TAGAP: variants seen among roughly 807,000 people sequenced by gnomAD.
TAGAP encodes T-cell activation Rho GTPase-activating protein.
TAGAP carries 16 observed loss-of-function variants against 36.0 expected under a neutral mutation model. That is an observed-to-expected ratio of 0.44 (90% CI 0.30 to 0.68). The LOEUF (loss-of-function observed/expected upper bound fraction) is 0.68. TAGAP is among the 30% of genes least tolerant of loss of function. The pLI, the probability that TAGAP is intolerant of heterozygous loss-of-function variation, is 0.09. For missense variants in TAGAP, 794 were observed against 921.5 expected, an observed-to-expected ratio of 0.86 and a Z score of 1.79; for synonymous variants, 372 against 377.4, an observed-to-expected ratio of 0.99 and a Z score of 0.17.
At position 159,041,453 on chromosome 6, in the gene TAGAP, G is replaced by A; in HGVS notation, c.378C>T (p.Ala126=). The A allele has an allele frequency of 6.2e-7, 1 of 1,614,154 alleles. No homozygotes were observed. The highest frequency in any genetic ancestry group is 8.5e-7 in the Non-Finnish European group (1 of 1,180,016). Residue 126 remains alanine, a synonymous_variant, in exon 6 of 10, where the codon GCC becomes GCT. Transcript: ENST00000367066. This position sits in a 1 kb window ranked among gnomAD's most constrained non-coding sequence, Gnocchi z 4.1. ...PSTEGIFRRA[A]NEKARKELKE... Reference sequence around the variant, plus strand: ...TCAGCTCCTTACGGGCTTTCTCGTTGGCTGCTCTCCTGAATATCCCTTCCG... The same window carrying A: ...TCAGCTCCTTACGGGCTTTCTCGTTAGCTGCTCTCCTGAATATCCCTTCCG...
chr6:159,041,442 G>C lies in TAGAP; in HGVS notation c.389C>G (p.Ala130Gly). 1 of 1,614,164 alleles carries C rather than the reference G, an allele frequency of 6.2e-7. No individual in the cohort carries two copies. Among genetic ancestry groups the C allele is most frequent in the Non-Finnish European group, 8.5e-7 (1 of 1,180,020 alleles). ...GAGCTCCTCCTTCAGCTCCTTACGG[G>C]CTTTCTCGTTGGCTGCTCTCCTGAA... is the stretch of plus-strand genomic sequence containing the variant. The part of the protein sequence containing the change: ...GIFRRAANEK[A>G]RKELKEELNS... Residue 130 changes from alanine to glycine, a missense_variant, in exon 6 of 10, where the codon GCC becomes GGC. Ala to Gly is a moderately conservative substitution (Grantham distance 60). Transcript: ENST00000367066. This position sits in a 1 kb window ranked among gnomAD's most constrained non-coding sequence, Gnocchi z 4.1.
At chr6:159,042,313 G>C (rs1779784495) in intron 4 of TAGAP, 69 bp from the exon 5 acceptor site, 2 of 1,548,550 alleles carry the variant, frequency 1.3e-6, no homozygotes, top group East Asian at 2.3e-5. Context: ...ATCCAGGTAA[G>C]AAAATGGGTA....
chr6:159,036,794 C>G lies in TAGAP; in HGVS notation c.1229G>C (p.Gly410Ala), dbSNP rs144047559. 5,853 of 1,614,232 alleles carry G rather than the reference C, an allele frequency of 3.6e-3. 29 individuals carry two copies. The highest frequency in any genetic ancestry group is 0.013 in the South Asian group (1,157 of 91,088). The change falls in exon 10 of 10, where the codon GGC becomes GCC. Residue 410 changes from glycine (G) to alanine (A), a missense_variant. Physicochemically the swap from Gly to Ala is moderately conservative, Grantham distance 60 (BLOSUM62 0). Coordinates refer to ENST00000367066, the MANE Select transcript of TAGAP (RefSeq NM_054114.5). This position sits in a 1 kb window ranked among gnomAD's most constrained non-coding sequence, Gnocchi z 4.9. ...AGCCTCCTCACTTTCCAAACGAGAGCCTACCCGGGGCACGGGGAAGTCCCC... is the reference window on the plus strand; with the variant it reads ...AGCCTCCTCACTTTCCAAACGAGAGGCTACCCGGGGCACGGGGAAGTCCCC... ...SEGDFPVPRV[G>A]SRLESEEAED... is the part of the protein sequence containing the mutation.
At position 159,037,899 on chromosome 6, in the gene TAGAP, G is replaced by A. The variant is rs191264607; in HGVS notation, c.898+215C>T. 3.8e-4 allele frequency among the ~76,000 whole-genome samples: 58 copies of A among 152,312 alleles called. No individual in the cohort carries two copies. In the East Asian group the frequency reaches 8.3e-3, roughly 22 times the overall value. ...AGTGATTTGCGATGTACACTGGGAA[G>A]GGGGAAAGACTATCTGTGGTCTGAG... On this transcript the variant is annotated intron_variant, in intron 9 of 9. Coordinates refer to ENST00000367066, the MANE Select transcript of TAGAP (RefSeq NM_054114.5). The surrounding 1 kb of genome is among the most constrained non-coding windows in gnomAD (Gnocchi z 5.1).
chr6:159,039,283 T>C lies in TAGAP; in HGVS notation c.614A>G (p.Asn205Ser), dbSNP rs765146154. 3 of 1,613,168 alleles carry C rather than the reference T, an allele frequency of 1.9e-6. No homozygotes were observed. Among genetic ancestry groups the C allele is most frequent in the Non-Finnish European group, 1.7e-6 (2 of 1,179,856 alleles). Residue 205 changes from asparagine (N) to serine (S), a missense_variant, in exon 8 of 10, where the codon AAC (asparagine) becomes AGC (serine). Transcript: ENST00000367066. ...KQVADKLPRP[N>S]LLLLKHLVYV... ...GACCAAGTGCTTGAGTAGCAGGAGG[T>C]TGGGCCGGGGGAGCTTATCTGCAAC...
chr6:159,044,272 G>C, intron 1 of TAGAP, 68 bp from the exon 2 acceptor site: 1 of 926,442 alleles, frequency 1.1e-6, no homozygotes, highest in South Asian at 1.8e-5. Flanking sequence ...GCGCCACTTT[G>C]CCAAAGCACA....
Position 159,042,262 on chromosome 6 carries a change from A to C in TAGAP, c.149-18T>G. On this transcript the variant is annotated intron_variant, in intron 4 of 9. Transcript: ENST00000367066. Reference sequence around the variant, plus strand: ...CTTAACTTCTACAGCCAAGAAAACAAGGCAACGAGAAAAATTAGACTACAG... The same window carrying C: ...CTTAACTTCTACAGCCAAGAAAACACGGCAACGAGAAAAATTAGACTACAG... 1 of 1,599,952 alleles carries C rather than the reference A, an allele frequency of 6.3e-7. No individual in the cohort carries two copies. The highest frequency in any genetic ancestry group is 8.5e-7 in the Non-Finnish European group (1 of 1,174,972).
chr6:159,035,860 G>A lies in TAGAP; in HGVS notation c.2163C>T (p.Asp721=). 6.2e-7 allele frequency: 1 copy of A among 1,606,376 alleles called. No individual in the cohort carries two copies. Among genetic ancestry groups the A allele is most frequent in the Non-Finnish European group, 8.5e-7 (1 of 1,173,626 alleles). Residue 721 remains aspartate (D), a synonymous_variant, in exon 10 of 10, where the codon GAC becomes GAT. Coordinates refer to ENST00000367066, the MANE Select transcript of TAGAP (RefSeq NM_054114.5). The part of the protein sequence containing the change: ...RRCSQPVFEA[D]QFQYAKESYI ...ACGATTCTTTGGCATATTGGAATTG[G>A]TCAGCCTCAAAGACCGGCTGGCTAC... is the stretch of plus-strand genomic sequence containing the variant.
In TAGAP at chr6:159,036,481, G is replaced by A. The variant is rs764621010; in HGVS notation, c.1542C>T (p.Ala514=). Residue 514 remains alanine (A), a synonymous_variant, in exon 10 of 10, where the codon GCC becomes GCT. Transcript: ENST00000367066. The surrounding 1 kb of genome is among the most constrained non-coding windows in gnomAD (Gnocchi z 4.9). ...IKKHSMSFTF[A]PHKKVLTKNL... is the part of the protein sequence containing the mutation. ...TTTTGGTCAGCACTTTTTTGTGAGG[G>A]GCAAAGGTGAAAGACATGGAGTGCT... 1 of 1,614,112 alleles carries A rather than the reference G, an allele frequency of 6.2e-7. No homozygotes were observed. Among genetic ancestry groups the A allele is most frequent in the Non-Finnish European group, 8.5e-7 (1 of 1,180,010 alleles).
rs1779722074 is a variant in TAGAP, at chr6:159,040,852, T to C, written c.478-20A>G. ...GAAGTCCTGGGGGATGAGAGTGGGCTGTTGGCCTATTGGTACTGTATGATG... is the reference window on the plus strand; with the variant it reads ...GAAGTCCTGGGGGATGAGAGTGGGCCGTTGGCCTATTGGTACTGTATGATG... On this transcript the variant is annotated intron_variant, in intron 6 of 9. Coordinates refer to ENST00000367066, the MANE Select transcript of TAGAP (RefSeq NM_054114.5). The C allele has an allele frequency of 6.3e-7, 1 of 1,589,562 alleles. No homozygotes were observed. The highest frequency in any genetic ancestry group is 1.1e-5 in the South Asian group (1 of 90,526).
At chr6:159,044,233 G>A in intron 1 of TAGAP, 29 bp from the exon 2 acceptor site, 1 of 1,489,364 alleles carries the variant, frequency 6.7e-7, no homozygotes, top group Non-Finnish European at 9.1e-7. Context: ...AAAGGAGTTA[G>A]GAGGGACTCA....
intron 8 of TAGAP, 58 bp from the exon 9 acceptor site, chr6:159,038,286 T>TTG: frequency 1.1e-6 from 1 of 937,382 alleles, no homozygotes; most frequent in African/African-American, 1.8e-5. Flanking sequence ...TTTTTTTTTT[T>TTG]TTGGAGGTGA....
At chr6:159,038,415 G>C (rs1779628273) in intron 8 of TAGAP, among the ~76,000 whole-genome samples, 187 bp from the exon 9 acceptor site, 1 of 149,602 alleles carries the variant, frequency 6.7e-6, no homozygotes. Flanking sequence ...TTTGAGACAG[G>C]CTTTCACTCT....
chr6:159,044,164 G>A lies in TAGAP; in HGVS notation c.-18C>T. Reference sequence around the variant, plus strand: ...AGCTTCATCAGTATTGCGGCTGACTGTCCAGGGGTGGATTTCACTCCCGTG... The same window carrying A: ...AGCTTCATCAGTATTGCGGCTGACTATCCAGGGGTGGATTTCACTCCCGTG... On this transcript the variant is annotated 5_prime_UTR_variant, in exon 2 of 10. Coordinates refer to ENST00000367066, the MANE Select transcript of TAGAP (RefSeq NM_054114.5). 1 of 1,610,974 alleles carries A rather than the reference G, an allele frequency of 6.2e-7. No individual in the cohort carries two copies. The highest frequency in any genetic ancestry group is 8.5e-7 in the Non-Finnish European group (1 of 1,179,358).
At position 159,036,129 on chromosome 6, in the gene TAGAP, A is replaced by C. The variant is rs139559821; in HGVS notation, c.1894T>G (p.Cys632Gly). Residue 632 changes from cysteine to glycine, a missense_variant, in exon 10 of 10, where the codon TGC becomes GGC. Cys to Gly is a radical substitution (Grantham distance 159). Coordinates refer to ENST00000367066, the MANE Select transcript of TAGAP (RefSeq NM_054114.5). The surrounding 1 kb of genome is among the most constrained non-coding windows in gnomAD (Gnocchi z 4.9). Reference sequence around the variant, plus strand: ...GCAGGTGGAAGAGGGGGTAGGAGGCAGTGCGCCTCCAGCATCCTCGCCCTC... The same window carrying C: ...GCAGGTGGAAGAGGGGGTAGGAGGCCGTGCGCCTCCAGCATCCTCGCCCTC... Reference protein sequence around the residue: ...SMRARMLEAHCLLPPLPPAHH... With the variant: ...SMRARMLEAHGLLPPLPPAHH... The C allele has an allele frequency of 2.4e-4, 382 of 1,613,422 alleles. 1 individual carries two copies. In the South Asian group the frequency reaches 2.7e-3, roughly 11 times the overall value.
In TAGAP at chr6:159,036,109, T is replaced by G. The variant is rs1486367973; in HGVS notation, c.1914A>C (p.Pro638=). 1.2e-6 allele frequency: 2 copies of G among 1,613,528 alleles called. No individual in the cohort carries two copies. Among genetic ancestry groups the G allele is most frequent in the African/African-American group, 1.3e-5 (1 of 74,850 alleles). ...LEAHCLLPPL[P]PAHHVEDSRH... is the part of the protein sequence containing the mutation. Reference sequence around the variant, plus strand: ...TTGAGTCCTCTACGTGGTGAGCAGGTGGAAGAGGGGGTAGGAGGCAGTGCG... The same window carrying G: ...TTGAGTCCTCTACGTGGTGAGCAGGGGGAAGAGGGGGTAGGAGGCAGTGCG... The change falls in exon 10 of 10, where the codon CCA becomes CCC. Residue 638 remains proline (P), a synonymous_variant. Transcript: ENST00000367066. The surrounding 1 kb of genome is among the most constrained non-coding windows in gnomAD (Gnocchi z 4.9).
At chr6:159,043,703 T>A in intron 3 of TAGAP, 48 bp from the exon 4 acceptor site, 1 of 1,560,582 alleles carries the variant, frequency 6.4e-7, no homozygotes, top group Non-Finnish European at 8.8e-7. Context: ...AAGAAACCTA[T>A]CGAGTCTTTC....
At position 159,037,272 on chromosome 6, in the gene TAGAP, A is replaced by G; in HGVS notation, c.899-148T>C. The G allele has an allele frequency of 1.6e-6, 1 of 626,774 alleles. No individual in the cohort carries two copies. The highest frequency in any genetic ancestry group is 1.9e-5 in the African/African-American group (1 of 51,698). 38.8% of individuals were successfully genotyped at this position (626,774 alleles called of 1,614,324 possible). ...AGTGATGTGATCTCGGCTCACTGCA[A>G]CCTCTACCTCCCGGGTTCAAGTGAT... On this transcript the variant is annotated intron_variant, in intron 9 of 9. Transcript: ENST00000367066. This position sits in a 1 kb window ranked among gnomAD's most constrained non-coding sequence, Gnocchi z 5.1.
rs1779462641 is a variant in TAGAP, at chr6:159,034,577, A to G, written c.*1250T>C. On this transcript the variant is annotated 3_prime_UTR_variant, in exon 10 of 10. Transcript: ENST00000367066. ...ACTGGATAAATATCTTAATAATCGA[A>G]CAGTAAAGCTCTAATACAGTACAAA... 3 of 152,232 alleles carry G rather than the reference A, an allele frequency of 2.0e-5. No homozygotes were observed. The highest frequency in any genetic ancestry group is 4.1e-4 in the South Asian group (2 of 4,836). 9.4% of individuals were successfully genotyped at this position (152,232 alleles called of 1,614,324 possible).
Sources: gnomAD v4.1 joint callset for allele counts (sites outside exome capture counted in the v4.1 genomes callset) on GRCh38, gnomAD v4.1.1 for gene constraint, Gnocchi (gnomAD v3.1) non-coding constraint, MANE v1.5 for transcripts, NCBI Gene and HGNC (gene_info 2026-07-23, HGNC 2026-07-21) for gene names.